The following CDH17 variants were observed in gnomAD, a reference collection of about 807,000 sequenced individuals.
CDH17 encodes the protein cadherin-17.
In CDH17, 67 loss-of-function variants were observed where a neutral mutation model predicts 86.3. That is an observed-to-expected ratio of 0.78 (90% confidence interval 0.64 to 0.95). The LOEUF (loss-of-function observed/expected upper bound fraction) is 0.95, where lower values mean the gene tolerates loss of function less well. CDH17 is among the 40% of genes least tolerant of loss of function. The pLI, the probability that CDH17 is intolerant of heterozygous loss-of-function variation, is 0.00. For missense variants in CDH17, 993 were observed against 1,017.6 expected, an observed-to-expected ratio of 0.98 and a Z score of 0.33; for synonymous variants, 367 against 366.4, an observed-to-expected ratio of 1.00 and a Z score of -0.02.
chr8:94,139,234 T>C (rs1586233836), intron 15 of CDH17, among the ~76,000 whole-genome samples: 1 of 152,102 alleles, frequency 6.6e-6, no homozygotes, highest in African/African-American at 2.4e-5. Flanking sequence ...GGCTATAATA[T>C]AGCCATTGAA....
chr8:94,207,117 T>G (rs1294964073), intron 1 of CDH17, among the ~76,000 whole-genome samples: 1 of 152,230 alleles, frequency 6.6e-6, no homozygotes, highest in Non-Finnish European at 1.5e-5. Context: ...ATGCTATATA[T>G]ATAGCAAAAC....
chr8:94,153,268 A>T (rs942667524), intron 12 of CDH17, among the ~76,000 whole-genome samples: 4 of 152,220 alleles, frequency 2.6e-5, no homozygotes, highest in Non-Finnish European at 5.9e-5. Context: ...ATGGAAAAAA[A>T]TGCTCATTAC....
intron 9 of CDH17, among the ~76,000 whole-genome samples, chr8:94,169,779 C>T (rs1159910290): frequency 1.3e-5 from 2 of 152,078 alleles, no homozygotes; most frequent in East Asian, 1.9e-4. Context: ...AGTAGTTGTT[C>T]CTATACAAAA....
chr8:94,179,593 T>TGAAGGC, intron 3 of CDH17, among the ~76,000 whole-genome samples: 1 of 152,324 alleles, frequency 6.6e-6, no homozygotes, highest in Non-Finnish European at 1.5e-5. Context: ...AAGCAGAAAG[T>TGAAGGC]GAAGGCGAAG....
intron 7 of CDH17, among the ~76,000 whole-genome samples, chr8:94,172,852 G>T (rs1264618924): frequency 6.6e-6 from 1 of 152,134 alleles, no homozygotes; most frequent in African/African-American, 2.4e-5. Flanking sequence ...GGAGGGGAGA[G>T]GCACACACAG....
intron 1 of CDH17, among the ~76,000 whole-genome samples, chr8:94,204,955 A>T (rs779337379): frequency 9.2e-5 from 14 of 152,120 alleles, no homozygotes; most frequent in Non-Finnish European, 1.8e-4. Context: ...TAACCCATTT[A>T]TACCTGAGGT....
chr8:94,181,238 T>C (rs1484812412), intron 3 of CDH17, among the ~76,000 whole-genome samples: 2 of 152,028 alleles, frequency 1.3e-5, no homozygotes, highest in Admixed American at 1.3e-4. Flanking sequence ...TCAACAGTAA[T>C]AATTGACGAT....
chr8:94,201,592 C>G (rs766404782), intron 1 of CDH17, among the ~76,000 whole-genome samples: 2 of 152,194 alleles, frequency 1.3e-5, no homozygotes, highest in African/African-American at 2.4e-5. Flanking sequence ...CCCTACTGCC[C>G]TCTTGATTTT....
At chr8:94,168,097 AATATATATATAT>A (rs529264296) in intron 9 of CDH17, among the ~76,000 whole-genome samples, 691 of 50,566 alleles carry the variant, frequency 0.014, 5 homozygotes, top group Admixed American at 0.016. Flanking sequence ...TACACTGGGG[AATATATATATAT>A]ATATATATAT....
At chr8:94,190,612 G>A (rs1159858339) in intron 2 of CDH17, among the ~76,000 whole-genome samples, 1 of 152,194 alleles carries the variant, frequency 6.6e-6, no homozygotes, top group East Asian at 1.9e-4. Flanking sequence ...AGCATGATGT[G>A]GCAAGCCAAT....
intron 1 of CDH17, chr8:94,202,923 G>A (rs1178550701): frequency 6.3e-6 from 2 of 314,962 alleles, no homozygotes; most frequent in Non-Finnish European, 1.2e-5. Flanking sequence ...ATGAGGACAG[G>A]ATTTTGGGCT....
At chr8:94,199,064 TA>T (rs1563589440) in intron 1 of CDH17, among the ~76,000 whole-genome samples, 33 of 27,492 alleles carry the variant, frequency 1.2e-3, no homozygotes, top group African/African-American at 2.8e-3. Context: ...TATATATATA[TA>T]TATATATATA....
chr8:94,189,147 A>T, intron 3 of CDH17, 40 bp downstream of exon 3: 1 of 1,377,504 alleles, frequency 7.3e-7, no homozygotes, highest in South Asian at 1.2e-5. Context: ...CCAAGAGAGC[A>T]TACAAAATCA....
chr8:94,140,851 A>G (rs971836142), intron 15 of CDH17, among the ~76,000 whole-genome samples: 2 of 152,174 alleles, frequency 1.3e-5, no homozygotes, highest in African/African-American at 2.4e-5. Flanking sequence ...ATTTTTCTAT[A>G]TCTATAAAAT....
intron 15 of CDH17, among the ~76,000 whole-genome samples, chr8:94,139,798 G>C (rs752717435): frequency 1.2e-4 from 18 of 152,164 alleles, no homozygotes; most frequent in Admixed American, 5.9e-4. Context: ...AGCTACTAGG[G>C]AGACTGAGGC....
chr8:94,199,081 ATATTTTTTTT>A (rs1229829178), intron 1 of CDH17, among the ~76,000 whole-genome samples: 11 of 9,848 alleles, frequency 1.1e-3, no homozygotes, highest in African/African-American at 2.4e-3. Context: ...ATATATATAT[ATATTTTTTTT>A]TTTTTATCAT....
At chr8:94,204,384 A>T (rs1484550253) in intron 1 of CDH17, among the ~76,000 whole-genome samples, 1 of 152,176 alleles carries the variant, frequency 6.6e-6, no homozygotes, top group Non-Finnish European at 1.5e-5. Context: ...CTTATGAGTG[A>T]GAACATGCAG....
upstream of CDH17, among the ~76,000 whole-genome samples, chr8:94,210,493 C>G (rs1814106286): frequency 6.6e-6 from 1 of 152,144 alleles, no homozygotes; most frequent in Non-Finnish European, 1.5e-5. Flanking sequence ...TAACAAGATT[C>G]TGAGAGCTGT....
At chr8:94,215,816 A>G (rs543904771) in intron 1 of CDH17, among the ~76,000 whole-genome samples, 7 of 151,706 alleles carry the variant, frequency 4.6e-5, no homozygotes, top group African/African-American at 1.7e-4. Context: ...ATTATCGGAA[A>G]TGTCTTACGG....
Sources: allele counts gnomAD v4.1 joint callset (sites outside exome capture counted in the v4.1 genomes callset), GRCh38; gene constraint gnomAD v4.1.1; transcripts MANE v1.5; gene names NCBI Gene and HGNC (gene_info 2026-07-23, HGNC 2026-07-21).